The following MNAT1 variants were observed in gnomAD, a reference collection of about 807,000 sequenced individuals.
MNAT1 encodes the protein MNAT1 component of CDK activating kinase.
A neutral mutation model predicts 42.0 loss-of-function variants in MNAT1; 43 were observed. That is an observed-to-expected ratio of 1.02 (90% confidence interval 0.80 to 1.32). MNAT1 has a LOEUF of 1.32. Ranked by LOEUF, MNAT1 falls within the 40% of genes most tolerant of loss-of-function variation. The pLI, the probability that MNAT1 is intolerant of heterozygous loss-of-function variation, is 0.00. For synonymous variants in MNAT1, 118 were observed against 120.0 expected, an observed-to-expected ratio of 0.98 and a Z score of 0.11; for missense variants, 306 against 350.4, an observed-to-expected ratio of 0.87 and a Z score of 1.01.
chr14:60,833,109 C>G (rs981564071), intron 6 of MNAT1, among the ~76,000 whole-genome samples: 2 of 152,134 alleles, frequency 1.3e-5, no homozygotes, highest in South Asian at 2.1e-4. Context: ...AATATACAAT[C>G]GTGTCATCTG....
intron 1 of MNAT1, chr14:60,753,996 G>A (rs983262158): frequency 4.6e-5 from 7 of 152,114 alleles, no homozygotes; most frequent in Admixed American, 1.3e-4. Flanking sequence ...TTTATGTGTC[G>A]TCAGCAGCCT....
At chr14:60,917,620 TG>T (rs111914487) in intron 7 of MNAT1, among the ~76,000 whole-genome samples, 2,246 of 151,036 alleles carry the variant, frequency 0.015, 45 homozygotes, top group African/African-American at 0.052. Context: ...GTTTTTTTTT[TG>T]TTTCTTTTTT....
intron 6 of MNAT1, among the ~76,000 whole-genome samples, chr14:60,828,400 TA>T (rs2033114967): frequency 6.6e-6 from 1 of 152,180 alleles, no homozygotes; most frequent in African/African-American, 2.4e-5. Flanking sequence ...TTGTGACTTA[TA>T]ACTGTTAATT....
At chr14:60,775,095 A>G (rs1423036718) in intron 1 of MNAT1, among the ~76,000 whole-genome samples, 3 of 152,176 alleles carry the variant, frequency 2.0e-5, no homozygotes, top group African/African-American at 7.2e-5. Flanking sequence ...GAACACTTCA[A>G]CTTTTAGGTG....
intron 6 of MNAT1, among the ~76,000 whole-genome samples, chr14:60,850,859 G>C (rs1008029861): frequency 1.3e-5 from 2 of 152,128 alleles, no homozygotes; most frequent in Non-Finnish European, 2.9e-5. Context: ...TCTGGATGTA[G>C]AATCTGCCAA....
At chr14:60,813,012 A>C (rs1166373024) in intron 5 of MNAT1, among the ~76,000 whole-genome samples, 1 of 152,136 alleles carries the variant, frequency 6.6e-6, no homozygotes, top group Admixed American at 6.5e-5. Flanking sequence ...GCCCTAGGTG[A>C]CAAGGCCAGA....
rs1366896719 is a variant in MNAT1 at position 60,895,481 on chromosome 14, C to T, written c.809+15646C>T. The stretch of plus-strand genomic sequence containing the variant: ...CTAGAAGATTACATCTAATAAGCTC[C>T]AGTTATCCCTTTACAATGGTCTTTC... On this transcript the variant is annotated intron_variant, in intron 7 of 7. Transcript: ENST00000261245. Among the ~76,000 whole-genome samples the T allele has an allele frequency of 2.0e-5, 3 of 152,170 alleles. No individual in the cohort carries two copies. In the East Asian group the frequency reaches 5.8e-4, roughly 29 times the overall value.
intron 3 of MNAT1, 26 bp from the exon 4 acceptor site, chr14:60,808,299 A>G: frequency 2.2e-6 from 3 of 1,372,600 alleles, no homozygotes; most frequent in South Asian, 1.3e-5. Flanking sequence ...AATATTTTTC[A>G]TGTCATCGTT....
chr14:60,939,968 T>A (rs1413789615), intron 7 of MNAT1, among the ~76,000 whole-genome samples: 1 of 152,220 alleles, frequency 6.6e-6, no homozygotes, highest in Admixed American at 6.5e-5. Context: ...GTTGAATTGA[T>A]CCCTTTACCA....
At chr14:60,907,992 C>T (rs1005680744) in intron 7 of MNAT1, among the ~76,000 whole-genome samples, 2 of 151,956 alleles carry the variant, frequency 1.3e-5, no homozygotes, top group African/African-American at 4.8e-5. Flanking sequence ...AAAGTATTCT[C>T]CAGGTGACTA....
intron 7 of MNAT1, among the ~76,000 whole-genome samples, chr14:60,959,022 G>A (rs931351703): frequency 3.9e-5 from 6 of 152,044 alleles, no homozygotes; most frequent in African/African-American, 1.4e-4. Context: ...AGGCTCAAGT[G>A]ACCCTCCTGC....
At chr14:60,890,021 A>T (rs1352566380) in intron 7 of MNAT1, among the ~76,000 whole-genome samples, 1 of 152,230 alleles carries the variant, frequency 6.6e-6, no homozygotes, top group African/African-American at 2.4e-5. Flanking sequence ...AACCAGTTCA[A>T]CCATTGTGGA....
chr14:60,869,040 A>ATATATATATATTTTTTTTTTTT (rs1465360826), intron 6 of MNAT1, among the ~76,000 whole-genome samples: 1 of 113,054 alleles, frequency 8.8e-6, no homozygotes, highest in African/African-American at 3.4e-5. Context: ...ATATATATAT[A>ATATATATATATTTTTTTTTTTT]TTTTTTTTTT....
intron 1 of MNAT1, among the ~76,000 whole-genome samples, chr14:60,748,256 G>T (rs534108511): frequency 6.6e-6 from 1 of 151,588 alleles, no homozygotes; most frequent in Non-Finnish European, 1.5e-5. Flanking sequence ...TTTGAGACAG[G>T]GTCTTGCTCT....
chr14:60,961,918 C>G (rs75408119), intron 7 of MNAT1, among the ~76,000 whole-genome samples: 324 of 152,308 alleles, frequency 2.1e-3, no homozygotes, highest in African/African-American at 7.6e-3. Context: ...AAACCAGAAT[C>G]AGGCACTAGG....
chr14:60,869,612 T>G (rs1463197951), intron 6 of MNAT1, among the ~76,000 whole-genome samples: 1 of 152,180 alleles, frequency 6.6e-6, no homozygotes, highest in African/African-American at 2.4e-5. Flanking sequence ...AAAATTGTGT[T>G]AAAGGATTTG....
At chr14:60,895,265 G>A (rs79036830) in intron 7 of MNAT1, among the ~76,000 whole-genome samples, 1 of 152,066 alleles carries the variant, frequency 6.6e-6, no homozygotes, top group Non-Finnish European at 1.5e-5. Flanking sequence ...TCTTATTACT[G>A]TAGACCTAAA....
intron 6 of MNAT1, among the ~76,000 whole-genome samples, chr14:60,843,728 TCTC>T (rs1056133788): frequency 4.8e-4 from 73 of 152,216 alleles, no homozygotes; most frequent in African/African-American, 1.7e-3. Flanking sequence ...ATGAATAATT[TCTC>T]TTGTCTGTGG....
At position 60,925,123 on chromosome 14, in the gene MNAT1, A is replaced by G. The variant is rs560500198; in HGVS notation, c.810-43106A>G. On this transcript the variant is annotated intron_variant, in intron 7 of 7. Coordinates refer to ENST00000261245, the MANE Select transcript of MNAT1 (RefSeq NM_002431.4). ...AGTTGGGCCTACATTGAATGTGTAC[A>G]GACTTTTTTCTTGTCATTATTCCCT... Among the ~76,000 whole-genome samples, 13 of 152,362 alleles carry G rather than the reference A, an allele frequency of 8.5e-5. No individual in the cohort carries two copies. In the South Asian group the frequency reaches 2.7e-3, roughly 32 times the overall value.
Sources: gnomAD v4.1 joint callset for allele counts (sites outside exome capture counted in the v4.1 genomes callset) on GRCh38, gnomAD v4.1.1 for gene constraint, MANE v1.5 for transcripts, NCBI Gene and HGNC (gene_info 2026-07-23, HGNC 2026-07-21) for gene names.